Variants in CTNNA1 observed in about 807,000 individuals in gnomAD.
CTNNA1 encodes the protein catenin alpha 1.
Under a neutral mutation model 98.4 loss-of-function variants are expected in CTNNA1, and 37 were observed. That is an observed-to-expected ratio of 0.38 (90% confidence interval 0.29 to 0.49). The LOEUF is 0.49. Among genes scored for constraint, CTNNA1 ranks in the 20% least tolerant of loss-of-function variants. The pLI is 0.95. For missense variants in CTNNA1, 761 were observed against 1,147.2 expected (o/e 0.66, Z 4.86); for synonymous variants, 404 against 413.2 (o/e 0.98, Z 0.27).
At chr5:138,869,986 C>T (rs926088842) in intron 7 of CTNNA1, 3 of 152,556 alleles carry the variant, frequency 2.0e-5, no homozygotes, top group African/African-American at 7.2e-5. Context: ...CGATTTCAAA[C>T]TAGTTCTTGG....
At chr5:138,832,946 A>T (rs1007647125) in intron 7 of CTNNA1, among the ~76,000 whole-genome samples, 2 of 152,116 alleles carry the variant, frequency 1.3e-5, no homozygotes, top group African/African-American at 2.4e-5. Flanking sequence ...TGACTTCTTT[A>T]TTTCATGCCT....
chr5:138,775,757 T>C (rs1337473933), intron 1 of CTNNA1, among the ~76,000 whole-genome samples: 1 of 144,492 alleles, frequency 6.9e-6, no homozygotes, highest in Non-Finnish European at 1.5e-5. Context: ...AGTCTTGCTC[T>C]GTCCGCCCAG....
At chr5:138,894,258 A>G (rs1453678360) in intron 9 of CTNNA1, among the ~76,000 whole-genome samples, 1 of 148,564 alleles carries the variant, frequency 6.7e-6, no homozygotes, top group African/African-American at 2.5e-5. Context: ...TAGGCATAAT[A>G]TAGAGCCTTT....
intron 6 of CTNNA1, 31 bp downstream of exon 6, chr5:138,824,830 T>G (rs1374943910): frequency 6.3e-7 from 1 of 1,599,066 alleles, no homozygotes; most frequent in South Asian, 1.1e-5. Flanking sequence ...AATTTCCAGC[T>G]CTTGACCATC....
intron 7 of CTNNA1, among the ~76,000 whole-genome samples, chr5:138,845,465 A>G (rs1202384525): frequency 6.6e-6 from 1 of 152,254 alleles, no homozygotes; most frequent in Non-Finnish European, 1.5e-5. Context: ...AACACAAGAA[A>G]GTCACATGCT....
intron 10 of CTNNA1, among the ~76,000 whole-genome samples, chr5:138,913,058 CT>C (rs35292208): frequency 0.041 from 6,047 of 146,052 alleles, 350 homozygotes; most frequent in African/African-American, 0.13. Context: ...ACTGAAGTGA[CT>C]TTTTTTTTTT....
At chr5:138,786,788 A>G (rs1413709803) in intron 3 of CTNNA1, among the ~76,000 whole-genome samples, 1 of 152,204 alleles carries the variant, frequency 6.6e-6, no homozygotes, top group East Asian at 1.9e-4. Context: ...GTCAAGTTTC[A>G]GACAACATCA....
At chr5:138,829,239 T>G (rs1761024585) in intron 7 of CTNNA1, among the ~76,000 whole-genome samples, 1 of 152,214 alleles carries the variant, frequency 6.6e-6, no homozygotes, top group Non-Finnish European at 1.5e-5. Flanking sequence ...GGGACACATT[T>G]AAAAATCCAT....
intron 7 of CTNNA1, among the ~76,000 whole-genome samples, chr5:138,831,968 C>A (rs1761316173): frequency 6.6e-6 from 1 of 152,134 alleles, no homozygotes. Context: ...GCCTTACATT[C>A]TACAGTGGAT....
At chr5:138,776,844 G>A (rs1312174409) in intron 1 of CTNNA1, among the ~76,000 whole-genome samples, 5 of 29,642 alleles carry the variant, frequency 1.7e-4, no homozygotes, top group Non-Finnish European at 3.4e-4. Context: ...CTGGCCGGGC[G>A]GGGGGGCTGA....
chr5:138,897,651 G>C (rs1434207473), intron 9 of CTNNA1, among the ~76,000 whole-genome samples: 3 of 152,118 alleles, frequency 2.0e-5, no homozygotes, highest in Non-Finnish European at 4.4e-5. Flanking sequence ...GGAGAATGCT[G>C]ACCTTGGATT....
At chr5:138,907,326 A>G (rs1425297470) in intron 10 of CTNNA1, among the ~76,000 whole-genome samples, 1 of 152,124 alleles carries the variant, frequency 6.6e-6, no homozygotes, top group Non-Finnish European at 1.5e-5. Flanking sequence ...GGCCCCCTAC[A>G]TTATTTTAAA....
intron 10 of CTNNA1, among the ~76,000 whole-genome samples, chr5:138,910,973 T>G (rs1219054461): frequency 1.3e-5 from 2 of 152,200 alleles, no homozygotes; most frequent in African/African-American, 4.8e-5. Context: ...GCGCAGTGCC[T>G]TACACCTATA....
chr5:138,756,988 T>TAGG (rs1751725722), intron 1 of CTNNA1, among the ~76,000 whole-genome samples: 1 of 151,188 alleles, frequency 6.6e-6, no homozygotes, highest in South Asian at 2.1e-4. Flanking sequence ...CACTTGAAGC[T>TAGG]AGGAGTTCAA....
intron 11 of CTNNA1, among the ~76,000 whole-genome samples, chr5:138,920,004 T>C (rs1318030905): frequency 1.3e-5 from 2 of 148,668 alleles, no homozygotes; most frequent in African/African-American, 5.0e-5. Context: ...GAGACGGAGC[T>C]TTGCTCTTGT....
intron 3 of CTNNA1, among the ~76,000 whole-genome samples, chr5:138,798,715 C>G (rs1253268457): frequency 1.3e-5 from 2 of 152,034 alleles, no homozygotes; most frequent in East Asian, 1.9e-4. Context: ...TATTTTATTC[C>G]CAGCTCAGGA....
intron 1 of CTNNA1, among the ~76,000 whole-genome samples, chr5:138,763,861 A>ATATGAT (rs1189174363): frequency 7.1e-6 from 1 of 141,226 alleles, no homozygotes; most frequent in African/African-American, 2.5e-5. Flanking sequence ...TATTTTTAGA[A>ATATGAT]AAGCTTTGGA....
At chr5:138,867,877 G>A (rs530027171) in intron 7 of CTNNA1, among the ~76,000 whole-genome samples, 2 of 151,552 alleles carry the variant, frequency 1.3e-5, no homozygotes, top group East Asian at 1.9e-4. Context: ...TCAGCCTCCC[G>A]AGTAGCTGGG....
intron 1 of CTNNA1, among the ~76,000 whole-genome samples, chr5:138,760,423 G>A (rs1554074404): frequency 6.7e-6 from 1 of 148,708 alleles, no homozygotes; most frequent in Non-Finnish European, 1.5e-5. Flanking sequence ...GAGTGCAGTG[G>A]TGCGATCTTG....
Sources: gnomAD v4.1 joint callset for allele counts (sites outside exome capture counted in the v4.1 genomes callset) on GRCh38, gnomAD v4.1.1 for gene constraint, MANE v1.5 for transcripts, NCBI Gene and HGNC (gene_info 2026-07-23, HGNC 2026-07-21) for gene names.